The following PRKG1 variants were observed in gnomAD, a reference collection of about 807,000 sequenced individuals.
PRKG1 encodes protein kinase cGMP-dependent 1, also known as cGMP-dependent protein kinase 1.
In PRKG1, 35 loss-of-function variants were observed where a neutral mutation model predicts 88.1. That is an observed-to-expected ratio of 0.40 (90% confidence interval 0.30 to 0.53). The LOEUF (loss-of-function observed/expected upper bound fraction) is 0.53, where lower values mean the gene tolerates loss of function less well. Ranked by LOEUF, PRKG1 falls within the 20% of genes least tolerant of loss-of-function variation. PRKG1 has a pLI of 0.59. For synonymous variants in PRKG1, 303 were observed against 292.5 expected (o/e 1.04, Z -0.37); for missense variants, 540 against 839.8 (o/e 0.64, Z 4.41).
chr10:51,518,135 T>C (rs946341407), intron 3 of PRKG1, among the ~76,000 whole-genome samples: 8 of 152,114 alleles, frequency 5.3e-5, no homozygotes, highest in Admixed American at 4.6e-4. Flanking sequence ...GTAGCTGGGA[T>C]TACAGGTGTG....
intron 3 of PRKG1, among the ~76,000 whole-genome samples, chr10:51,579,512 T>C (rs80325311): frequency 0.069 from 10,518 of 152,186 alleles, 1,198 homozygotes; most frequent in African/African-American, 0.24. Context: ...ATGTCACTTA[T>C]AATACCTAAA....
intron 3 of PRKG1, among the ~76,000 whole-genome samples, chr10:51,626,696 T>G (rs1839345540): frequency 6.6e-6 from 1 of 152,212 alleles, no homozygotes; most frequent in Admixed American, 6.5e-5. Flanking sequence ...TTCTTCATTC[T>G]GTAATATTTG....
At chr10:52,241,980 A>G (rs1195915272) in intron 9 of PRKG1, 2 of 152,236 alleles carry the variant, frequency 1.3e-5, no homozygotes, top group African/African-American at 4.8e-5. Flanking sequence ...GTCTTTAGCT[A>G]TCCCTTCTTT....
intron 2 of PRKG1, among the ~76,000 whole-genome samples, chr10:51,464,635 T>A (rs1471266916): frequency 1.3e-5 from 2 of 151,950 alleles, no homozygotes; most frequent in Admixed American, 1.3e-4. Context: ...CTCACGCCTG[T>A]AATCCCAGCA....
intron 5 of PRKG1, among the ~76,000 whole-genome samples, chr10:52,036,321 C>T (rs972809569): frequency 5.3e-5 from 8 of 151,842 alleles, no homozygotes; most frequent in African/African-American, 1.2e-4. Flanking sequence ...TTTGGCACTA[C>T]GGGGTGGATA....
chr10:51,580,373 A>G (rs1837999700), intron 3 of PRKG1, among the ~76,000 whole-genome samples: 1 of 152,176 alleles, frequency 6.6e-6, no homozygotes, highest in African/African-American at 2.4e-5. Flanking sequence ...GGGAATTCTG[A>G]AATTCTGTTA....
chr10:51,213,208 T>C (rs1267945738), intron 2 of PRKG1, among the ~76,000 whole-genome samples: 2 of 151,678 alleles, frequency 1.3e-5, no homozygotes, highest in African/African-American at 2.4e-5. Flanking sequence ...TAGCAAGCTA[T>C]CGCAAGGACA....
At chr10:51,797,617 T>C (rs1002299177) in intron 3 of PRKG1, among the ~76,000 whole-genome samples, 2 of 148,080 alleles carry the variant, frequency 1.4e-5, no homozygotes, top group African/African-American at 2.5e-5. Context: ...ACAAATAAAA[T>C]ACATATGTAA....
intron 4 of PRKG1, among the ~76,000 whole-genome samples, chr10:51,807,364 A>C (rs11814234): frequency 6.6e-6 from 1 of 151,976 alleles, no homozygotes; most frequent in Non-Finnish European, 1.5e-5. Context: ...GAAGCCATGT[A>C]GGGGTGGAAA....
chr10:51,485,583 A>C (rs73338053), intron 3 of PRKG1, among the ~76,000 whole-genome samples: 11,280 of 152,234 alleles, frequency 0.074, 1,321 homozygotes, highest in African/African-American at 0.25. Context: ...AAAAGTGATT[A>C]AAGTCATTGT....
At chr10:51,136,301 C>T (rs1589184279) in intron 1 of PRKG1, among the ~76,000 whole-genome samples, 1 of 151,864 alleles carries the variant, frequency 6.6e-6, no homozygotes, top group Non-Finnish European at 1.5e-5. Flanking sequence ...AAGATGCATT[C>T]AGTTGGGACT....
At chr10:51,650,481 A>G (rs1840013819) in intron 3 of PRKG1, among the ~76,000 whole-genome samples, 1 of 152,240 alleles carries the variant, frequency 6.6e-6, no homozygotes, top group Non-Finnish European at 1.5e-5. Flanking sequence ...GCTAAAACCA[A>G]TGAAAACACA....
chr10:52,222,984 G>T (rs1295631707), intron 9 of PRKG1, among the ~76,000 whole-genome samples: 2 of 151,996 alleles, frequency 1.3e-5, no homozygotes, highest in East Asian at 3.9e-4. Context: ...TCACTGGTTT[G>T]ACCTACACTA....
At chr10:51,165,891 G>A (rs919200277) in intron 2 of PRKG1, among the ~76,000 whole-genome samples, 4 of 152,126 alleles carry the variant, frequency 2.6e-5, no homozygotes, top group African/African-American at 9.7e-5. Context: ...TTGGAAAAAA[G>A]AAGGGTGTGA....
chr10:51,151,274 G>C (rs1846065286), intron 1 of PRKG1, among the ~76,000 whole-genome samples: 1 of 151,908 alleles, frequency 6.6e-6, no homozygotes, highest in African/African-American at 2.4e-5. Context: ...TCAATATGAA[G>C]GTGCCACTGC....
chr10:52,269,078 C>A (rs563946643), intron 10 of PRKG1, among the ~76,000 whole-genome samples: 1 of 151,662 alleles, frequency 6.6e-6, no homozygotes, highest in Admixed American at 6.6e-5. Context: ...AAAAAAAAAT[C>A]TGTGTATCTG....
chr10:51,778,555 A>G (rs1023825879), intron 3 of PRKG1, among the ~76,000 whole-genome samples: 1 of 152,218 alleles, frequency 6.6e-6, no homozygotes, highest in African/African-American at 2.4e-5. Flanking sequence ...AATTTTTAAA[A>G]GAAGAGAACA....
intron 7 of PRKG1, among the ~76,000 whole-genome samples, chr10:52,132,795 C>A (rs998118185): frequency 6.6e-6 from 1 of 151,764 alleles, no homozygotes; most frequent in African/African-American, 2.4e-5. Context: ...TTTAAAAATT[C>A]TCATGGGTAC....
intron 5 of PRKG1, chr10:51,909,620 T>G (rs1391429739): frequency 6.6e-6 from 1 of 151,816 alleles, no homozygotes; most frequent in South Asian, 2.1e-4. Flanking sequence ...AGGGAATGAA[T>G]GAATGAATGA....
Sources: gnomAD v4.1 joint callset for allele counts (sites outside exome capture counted in the v4.1 genomes callset) on GRCh38, gnomAD v4.1.1 for gene constraint, MANE v1.5 for transcripts, NCBI Gene and HGNC (gene_info 2026-07-23, HGNC 2026-07-21) for gene names.